FCN1: variants seen among roughly 807,000 people sequenced by gnomAD.
The protein encoded by FCN1 is ficolin-1.
FCN1 carries 42 observed loss-of-function variants against 35.6 expected under a neutral mutation model. That is an observed-to-expected ratio of 1.18 (90% CI 0.92 to 1.53). The LOEUF (loss-of-function observed/expected upper bound fraction) is 1.53. FCN1 is among the 40% of genes most tolerant of loss of function. The probability of loss-of-function intolerance (pLI) is 0.00; values close to 1 mark genes in which losing one functional copy is unlikely to be tolerated. For missense variants in FCN1, 439 were observed against 428.4 expected (o/e 1.02, Z -0.22); for synonymous variants, 179 against 169.8 (o/e 1.05, Z -0.42).
chr9:134,911,006 G>T, intron 8 of FCN1, 127 bp downstream of exon 8: 1 of 994,298 alleles, frequency 1.0e-6, no homozygotes, highest in Non-Finnish European at 1.5e-6. Context: ...AAATGCTAGT[G>T]TCTGCTTCAT....
intron 3 of FCN1, 80 bp from the exon 4 acceptor site, chr9:134,914,500 G>A: frequency 7.5e-7 from 1 of 1,325,970 alleles, no homozygotes; most frequent in South Asian, 1.2e-5. Flanking sequence ...TGGGCTCCCG[G>A]CCTGGACACT....
At chr9:134,916,597 G>A (rs995297909) in intron 1 of FCN1, 136 bp from the exon 2 acceptor site, 1 of 886,594 alleles carries the variant, frequency 1.1e-6, no homozygotes, top group Non-Finnish European at 1.8e-6. Flanking sequence ...GGGGGGCAGA[G>A]CTCTGGCTTT....
intron 2 of FCN1, among the ~76,000 whole-genome samples, chr9:134,915,495 AG>A (rs1345719452): frequency 6.6e-6 from 1 of 152,150 alleles, no homozygotes; most frequent in African/African-American, 2.4e-5. Context: ...TTCTCCTGCC[AG>A]GGAAGGTCTT....
intron 1 of FCN1, among the ~76,000 whole-genome samples, chr9:134,916,718 A>G (rs1459258706): frequency 6.6e-6 from 1 of 152,230 alleles, no homozygotes; most frequent in African/African-American, 2.4e-5. Flanking sequence ...GGGGATAATA[A>G]CAAGGTTGCG....
rs939978871 is a variant in FCN1, at chr9:134,906,345, T to C, written c.*3453A>G. On this transcript the variant is annotated 3_prime_UTR_variant, in exon 9 of 9. Coordinates refer to ENST00000371806, the MANE Select transcript of FCN1 (RefSeq NM_002003.5). ...TTGGCTTACAGTTCTTGTTTTTCTATTTATAAGACCTGCAAATCTTAAGAG... is the reference window on the plus strand; with the variant it reads ...TTGGCTTACAGTTCTTGTTTTTCTACTTATAAGACCTGCAAATCTTAAGAG... The C allele has an allele frequency of 3.3e-5, 5 of 152,222 alleles. No individual in the cohort carries two copies. The highest frequency in any genetic ancestry group is 2.6e-4 in the Admixed American group (4 of 15,286). 9.4% of individuals were successfully genotyped at this position (152,222 alleles called of 1,614,324 possible).
At chr9:134,911,342 ATTTT>A (rs34307683) in intron 7 of FCN1, 75 bp from the exon 8 acceptor site, 889 of 925,198 alleles carry the variant, frequency 9.6e-4, no homozygotes, top group East Asian at 1.2e-3. Flanking sequence ...GGGATGGGTA[ATTTT>A]TTTTTTTTTT....
In FCN1 at chr9:134,904,433, T is replaced by A. The variant is rs1438277963; in HGVS notation, c.*5365A>T. 2.0e-5 allele frequency among the ~76,000 whole-genome samples: 3 copies of A among 152,168 alleles called. No individual in the cohort carries two copies. Among genetic ancestry groups the A allele is most frequent in the Admixed American group, 6.5e-5 (1 of 15,268 alleles). On this transcript the variant is annotated 3_prime_UTR_variant, in exon 9 of 9. Transcript: ENST00000371806. Reference sequence around the variant, plus strand: ...TATTTAAAATGAGGCAAAATAAAGATGTTTTCAGATAATAAAAGTGGACAG... The same window carrying A: ...TATTTAAAATGAGGCAAAATAAAGAAGTTTTCAGATAATAAAAGTGGACAG...
chr9:134,914,551 G>C (rs144729671), intron 3 of FCN1, 131 bp from the exon 4 acceptor site: 5 of 1,024,312 alleles, frequency 4.9e-6, no homozygotes, highest in African/African-American at 1.6e-5. Flanking sequence ...GCATCACAAC[G>C]CCCAGGTCTC....
At chr9:134,912,651 A>G in intron 6 of FCN1, 36 bp from the exon 7 acceptor site, 5 of 1,613,852 alleles carry the variant, frequency 3.1e-6, no homozygotes, top group Non-Finnish European at 4.2e-6. Flanking sequence ...TAGGCGGGGC[A>G]GGCCGAGGTC....
rs1241189260 is a variant in FCN1 at position 134,910,009 on chromosome 9, GAGA to G, written c.767_769del (p.Phe256del). 1.1e-5 allele frequency: 18 copies of G among 1,614,008 alleles called. No homozygotes were observed. Among genetic ancestry groups the G allele is most frequent in the South Asian group, 1.1e-4 (10 of 91,082 alleles). On this transcript the variant is annotated inframe_deletion, in exon 9 of 9. Transcript: ENST00000371806. ...CACATCATTGTCTTGGTCTTTGGTG[GAGA>G]AGAAGTTGTTGTTGTGGCCCGTTAG...
chr9:134,908,580 G>T lies in FCN1; in HGVS notation c.*1218C>A, dbSNP rs74510246. ...TGGAGACCCTGTCCCATGGGGCTTG[G>T]GGGGAGAGGGGACAACGGATGAAGG... On this transcript the variant is annotated 3_prime_UTR_variant, in exon 9 of 9. Transcript: ENST00000371806. 4,139 of 153,724 alleles carry T rather than the reference G, an allele frequency of 0.027. 155 individuals are homozygous for T. Among genetic ancestry groups the T allele is most frequent in the South Asian group, 0.11 (519 of 4,866 alleles). 9.5% of individuals were successfully genotyped at this position (153,724 alleles called of 1,614,324 possible).
chr9:134,913,519 T>C, intron 5 of FCN1, 62 bp downstream of exon 5: 2 of 1,384,576 alleles, frequency 1.4e-6, no homozygotes, highest in Non-Finnish European at 2.0e-6. Flanking sequence ...CGTGAACGTG[T>C]GCAGCTGGCC....
At position 134,905,851 on chromosome 9, in the gene FCN1, C is replaced by CCTCTTG; in HGVS notation, c.*3946_*3947insCAAGAG. Reference sequence around the variant, plus strand: ...TCCTCTTCCTCTTCCTCTTCCTCTTCCTCTTCCTCTTCCTCTTCTTCTTCT... The same window carrying CCTCTTG: ...TCCTCTTCCTCTTCCTCTTCCTCTTCCTCTTGCTCTTCCTCTTCCTCTTCTTCTTCT... On this transcript the variant is annotated 3_prime_UTR_variant, in exon 9 of 9. Transcript: ENST00000371806. The CCTCTTG allele has an allele frequency of 2.2e-5, 1 of 44,826 alleles. No individual in the cohort carries two copies. The highest frequency in any genetic ancestry group is 2.2e-4 in the Admixed American group (1 of 4,606). 2.8% of individuals were successfully genotyped at this position (44,826 alleles called of 1,614,324 possible).
In FCN1 at chr9:134,905,174, G is replaced by A. The variant is rs943000303; in HGVS notation, c.*4624C>T. ...AATGAACAAGTTATAAGCTGATAGA[G>A]GAGGTGACGGGATAATAAAAATATT... On this transcript the variant is annotated 3_prime_UTR_variant, in exon 9 of 9. Transcript: ENST00000371806. Among the ~76,000 whole-genome samples, 1 of 152,198 alleles carries A rather than the reference G, an allele frequency of 6.6e-6. No homozygotes were observed. The highest frequency in any genetic ancestry group is 6.5e-5 in the Admixed American group (1 of 15,288).
intron 7 of FCN1, 59 bp downstream of exon 7, chr9:134,912,427 C>G (rs1012193148): frequency 1.5e-5 from 24 of 1,560,178 alleles, no homozygotes; most frequent in Non-Finnish European, 2.0e-5. Flanking sequence ...ATGGCCCAGG[C>G]CTAAGGGGCA....
In FCN1 at chr9:134,904,166, C is replaced by T. The variant is rs1215099602; in HGVS notation, c.*5632G>A. Among the ~76,000 whole-genome samples, 1 of 152,078 alleles carries T rather than the reference C, an allele frequency of 6.6e-6. No individual in the cohort carries two copies. Among genetic ancestry groups the T allele is most frequent in the African/African-American group, 2.4e-5 (1 of 41,414 alleles). ...CATCAAGTCACAGATTCTATGAACC[C>T]CAAGCAAGACAAATTCAGAGAAAGT... On this transcript the variant is annotated 3_prime_UTR_variant, in exon 9 of 9. Coordinates refer to ENST00000371806, the MANE Select transcript of FCN1 (RefSeq NM_002003.5).
chr9:134,910,775 A>G (rs1831013535), intron 8 of FCN1, among the ~76,000 whole-genome samples: 1 of 151,840 alleles, frequency 6.6e-6, no homozygotes, highest in Non-Finnish European at 1.5e-5. Context: ...GTAGCCAGAG[A>G]CTCCTTTTGG....
At chr9:134,914,264 T>G in intron 4 of FCN1, 121 bp downstream of exon 4, 1 of 905,672 alleles carries the variant, frequency 1.1e-6, no homozygotes, top group Non-Finnish European at 1.8e-6. Context: ...CTTCCACCCC[T>G]CCCTGCCCAC....
rs767631577 is a variant in FCN1, at chr9:134,910,016, AGTT to A, written c.760_762del (p.Asn254del). The A allele has an allele frequency of 3.7e-6, 6 of 1,613,992 alleles. No homozygotes were observed. Among genetic ancestry groups the A allele is most frequent in the South Asian group, 2.2e-5 (2 of 91,090 alleles). On this transcript the variant is annotated inframe_deletion, in exon 9 of 9. Coordinates refer to ENST00000371806, the MANE Select transcript of FCN1 (RefSeq NM_002003.5). ...TTGTCTTGGTCTTTGGTGGAGAAGA[AGTT>A]GTTGTTGTGGCCCGTTAGAGAATTA...
Sources: gnomAD v4.1 joint callset for allele counts (sites outside exome capture counted in the v4.1 genomes callset) on GRCh38, gnomAD v4.1.1 for gene constraint, MANE v1.5 for transcripts, NCBI Gene and HGNC (gene_info 2026-07-23, HGNC 2026-07-21) for gene names.